The following MAGI2 variants were observed in gnomAD, a reference collection of about 807,000 sequenced individuals.
The protein encoded by MAGI2 is membrane-associated guanylate kinase, WW and PDZ domain-containing protein 2.
In MAGI2, 35 loss-of-function variants were observed where a neutral mutation model predicts 133.3. The ratio of observed to expected loss-of-function variants is 0.26; its 90% CI spans 0.20 to 0.35. The LOEUF is 0.35. MAGI2 is among the 10% of genes least tolerant of loss of function. MAGI2 has a pLI of 1.00. For synonymous variants in MAGI2, 729 were observed against 710.6 expected (o/e 1.03, Z -0.41); for missense variants, 1,636 against 1,863.4 (o/e 0.88, Z 2.25).
At chr7:78,658,096 A>G (rs73145128) in intron 2 of MAGI2, among the ~76,000 whole-genome samples, 9,313 of 152,288 alleles carry the variant, frequency 0.061, 401 homozygotes, top group Non-Finnish European at 0.086. Context: ...AGATTTCTCC[A>G]TGAAACTATT....
chr7:78,704,778 C>CT (rs762077849), intron 2 of MAGI2, among the ~76,000 whole-genome samples: 2,552 of 47,344 alleles, frequency 0.054, 49 homozygotes, highest in Middle Eastern at 0.095. Context: ...GGCCATTATT[C>CT]TTTTTTTTTT....
In MAGI2 at chr7:78,125,451, C is replaced by T. The variant is rs557670941; in HGVS notation, c.3567+243G>A. On this transcript the variant is annotated intron_variant, in intron 20 of 21. Coordinates refer to ENST00000354212, the MANE Select transcript of MAGI2 (RefSeq NM_012301.4). ...CTATTTCTTAGATTTCTTTCATTTGCTCTTTAGAAAAATAGTACTTTACTG... is the reference window on the plus strand; with the variant it reads ...CTATTTCTTAGATTTCTTTCATTTGTTCTTTAGAAAAATAGTACTTTACTG... Among the ~76,000 whole-genome samples the T allele has an allele frequency of 2.6e-5, 4 of 152,178 alleles. No individual in the cohort carries two copies. The South Asian group carries it at 8.3e-4, about 32-fold the overall frequency.
At chr7:78,715,528 A>G (rs1585173444) in intron 2 of MAGI2, among the ~76,000 whole-genome samples, 1 of 152,296 alleles carries the variant, frequency 6.6e-6, no homozygotes, top group East Asian at 1.9e-4. Flanking sequence ...TAATAACTCA[A>G]TGAAAGCCCA....
At chr7:78,344,010 G>C (rs766560454) in intron 8 of MAGI2, 50 bp from the exon 9 acceptor site, 1 of 1,552,016 alleles carries the variant, frequency 6.4e-7, no homozygotes, top group East Asian at 2.3e-5. Context: ...TTCAAGTCAA[G>C]TTCTCAGACA....
At chr7:79,451,450 T>C (rs1466113427) in intron 1 of MAGI2, among the ~76,000 whole-genome samples, 1 of 152,212 alleles carries the variant, frequency 6.6e-6, no homozygotes. Flanking sequence ...TCTTCAAAAA[T>C]ATCAAGTTAC....
intron 2 of MAGI2, among the ~76,000 whole-genome samples, chr7:78,894,682 A>G (rs150795833): frequency 3.6e-4 from 55 of 152,342 alleles, no homozygotes; most frequent in African/African-American, 1.3e-3. Flanking sequence ...GAAAGATGAT[A>G]GGCAATACGA....
intron 2 of MAGI2, among the ~76,000 whole-genome samples, chr7:78,786,777 G>A (rs1046612203): frequency 1.3e-4 from 20 of 152,088 alleles, no homozygotes; most frequent in African/African-American, 3.9e-4. Flanking sequence ...TTACTACTAC[G>A]TATTTCAATT....
rs145925666 is a variant in MAGI2 at position 78,256,273 on chromosome 7, G to C, written c.1717C>G (p.Pro573Ala). 9.5e-5 allele frequency: 153 copies of C among 1,614,078 alleles called. 1 individual carries two copies. The East Asian group carries it at 2.7e-3, about 29-fold the overall frequency. The change falls in exon 10 of 22, where the codon CCA becomes GCA. Residue 573 changes from proline to alanine, a missense_variant. Coordinates refer to ENST00000354212, the MANE Select transcript of MAGI2 (RefSeq NM_012301.4). The part of the protein sequence containing the change: ...DRPPHSLHSM[P>A]TDGQLDGTYP... ...GTGCCGTCTAGCTGACCATCAGTTG[G>C]CATGGAGTGCAGAGAATGAGGCGGC...
chr7:78,723,722 T>C (rs73150783), intron 2 of MAGI2, among the ~76,000 whole-genome samples: 7,186 of 152,140 alleles, frequency 0.047, 251 homozygotes, highest in Non-Finnish European at 0.072. Context: ...GGAAATTGAT[T>C]TGGATCAGGA....
intron 3 of MAGI2, among the ~76,000 whole-genome samples, chr7:78,589,238 G>A (rs993665755): frequency 1.3e-5 from 2 of 152,054 alleles, no homozygotes; most frequent in African/African-American, 2.4e-5. Flanking sequence ...ACACTTACAC[G>A]GTGCTGATTA....
chr7:79,076,767 G>A (rs1815502260), intron 1 of MAGI2, among the ~76,000 whole-genome samples: 2 of 152,118 alleles, frequency 1.3e-5, no homozygotes, highest in African/African-American at 4.8e-5. Flanking sequence ...TGTCCCATAA[G>A]TTATTCTTTC....
chr7:79,443,352 T>G (rs998395015), intron 1 of MAGI2, among the ~76,000 whole-genome samples: 2 of 151,264 alleles, frequency 1.3e-5, no homozygotes, highest in African/African-American at 4.9e-5. Context: ...ACAAATTTGT[T>G]GTTCACTGGG....
At chr7:78,666,602 A>T (rs1304093305) in intron 2 of MAGI2, among the ~76,000 whole-genome samples, 1 of 152,184 alleles carries the variant, frequency 6.6e-6, no homozygotes, top group Non-Finnish European at 1.5e-5. Flanking sequence ...AAAAGCTCTC[A>T]TCTTCAGCTG....
At chr7:78,461,933 A>AGG (rs1563034036) in intron 6 of MAGI2, among the ~76,000 whole-genome samples, 1 of 136,652 alleles carries the variant, frequency 7.3e-6, no homozygotes. Flanking sequence ...AAAAAAAAAA[A>AGG]AAAAAAAAAA....
chr7:78,906,684 G>A (rs902088646), intron 2 of MAGI2, among the ~76,000 whole-genome samples: 2 of 151,348 alleles, frequency 1.3e-5, no homozygotes, highest in Non-Finnish European at 2.9e-5. Context: ...AGGAGGCTGA[G>A]TTGTAGCCAA....
intron 2 of MAGI2, among the ~76,000 whole-genome samples, chr7:78,648,507 T>C (rs1025708739): frequency 6.6e-6 from 1 of 152,222 alleles, no homozygotes; most frequent in African/African-American, 2.4e-5. Flanking sequence ...ACTTTTTTCT[T>C]CACTTGTCTT....
intron 2 of MAGI2, among the ~76,000 whole-genome samples, chr7:78,809,645 T>C (rs1455727916): frequency 6.6e-6 from 1 of 152,044 alleles, no homozygotes; most frequent in Non-Finnish European, 1.5e-5. Flanking sequence ...GTTTTTTTTT[T>C]CCTATTACTA....
rs566124820 is a variant in MAGI2 at position 79,016,417 on chromosome 7, C to T, written c.302-9211G>A. ...AGGTTGTGGTAGCCTCCTGGTGGCA[C>T]GCATCATAGCTCCTGCACTGACAGA... On this transcript the variant is annotated intron_variant, in intron 1 of 21. Transcript: ENST00000354212. Among the ~76,000 whole-genome samples, 12 of 152,154 alleles carry T rather than the reference C, an allele frequency of 7.9e-5. No homozygotes were observed. In the South Asian group the frequency reaches 8.3e-4, roughly 11 times the overall value.
chr7:78,434,048 C>T (rs1411420609), intron 6 of MAGI2, among the ~76,000 whole-genome samples: 5 of 152,106 alleles, frequency 3.3e-5, no homozygotes, highest in East Asian at 1.9e-4. Context: ...TCTCTCTTTG[C>T]TTTTTGCTTC....
Sources: gnomAD v4.1 joint callset for allele counts (sites outside exome capture counted in the v4.1 genomes callset) on GRCh38, gnomAD v4.1.1 for gene constraint, MANE v1.5 for transcripts, NCBI Gene and HGNC (gene_info 2026-07-23, HGNC 2026-07-21) for gene names.